Variants in SLC44A5 observed in about 807,000 individuals in gnomAD.
The protein encoded by SLC44A5 is solute carrier family 44 member 5.
SLC44A5 carries 57 observed loss-of-function variants against 101.8 expected under a neutral mutation model. The ratio of observed to expected loss-of-function variants is 0.56; its 90% CI spans 0.45 to 0.70. SLC44A5 has a LOEUF of 0.70. Among genes scored for constraint, SLC44A5 ranks in the 30% least tolerant of loss-of-function variants. The pLI is 0.00. For missense variants in SLC44A5, 737 were observed against 853.1 expected, an observed-to-expected ratio of 0.86 and a Z score of 1.70; for synonymous variants, 281 against 290.9, an observed-to-expected ratio of 0.97 and a Z score of 0.35.
In SLC44A5 at chr1:75,241,988, A is replaced by C. The variant is rs769498697; in HGVS notation, c.532+13T>G. 6 of 1,606,846 alleles carry C rather than the reference A, an allele frequency of 3.7e-6. No homozygotes were observed. The Admixed American group carries it at 1.0e-4, about 27-fold the overall frequency. ...AGATCCTATGTTTCTAAGGTAAAAT[A>C]GTTGCCACTTACAAGGTTTGCTGGG... is the stretch of plus-strand genomic sequence containing the variant. On this transcript the variant is annotated intron_variant, in intron 9 of 23. Transcript: ENST00000370859.
chr1:75,407,840 C>A (rs550857550), intron 2 of SLC44A5, among the ~76,000 whole-genome samples: 65 of 152,270 alleles, frequency 4.3e-4, no homozygotes, highest in African/African-American at 1.4e-3. Flanking sequence ...GCAATGCCAA[C>A]AAAAGCCAAA....
At chr1:75,357,919 A>T (rs1659199936) in intron 3 of SLC44A5, among the ~76,000 whole-genome samples, 1 of 152,110 alleles carries the variant, frequency 6.6e-6, no homozygotes, top group Non-Finnish European at 1.5e-5. Context: ...GAACTTTAGA[A>T]ATGTTAGAAA....
the SLC44A5 span, among the ~76,000 whole-genome samples, chr1:75,699,223 G>A: frequency 6.6e-6 from 1 of 152,028 alleles, no homozygotes; most frequent in Non-Finnish European, 1.5e-5. Flanking sequence ...AAGTTGAAAT[G>A]AAGGAAAAAA....
At chr1:75,523,256 T>C (rs921816015) in intron 2 of SLC44A5, among the ~76,000 whole-genome samples, 1 of 152,162 alleles carries the variant, frequency 6.6e-6, no homozygotes, top group Non-Finnish European at 1.5e-5. Context: ...GATATGACTC[T>C]GGGGACAGAC....
intron 13 of SLC44A5, among the ~76,000 whole-genome samples, chr1:75,226,043 A>G (rs1647187673): frequency 6.6e-6 from 1 of 152,226 alleles, no homozygotes; most frequent in Non-Finnish European, 1.5e-5. Context: ...AGAGATGTGG[A>G]ATCATTTAAA....
chr1:75,464,227 A>AC (rs1197998040), intron 2 of SLC44A5, among the ~76,000 whole-genome samples: 2 of 150,654 alleles, frequency 1.3e-5, no homozygotes, highest in East Asian at 3.9e-4. Context: ...GTCTCAAAAA[A>AC]AAAAAAAAAA....
chr1:75,555,308 A>G (rs1476890973), intron 1 of SLC44A5, among the ~76,000 whole-genome samples: 1 of 152,144 alleles, frequency 6.6e-6, no homozygotes, highest in Non-Finnish European at 1.5e-5. Context: ...TGTAAGAATG[A>G]GCTTTTTAGG....
intron 2 of SLC44A5, among the ~76,000 whole-genome samples, chr1:75,475,470 A>G (rs999882681): frequency 2.0e-5 from 3 of 152,108 alleles, no homozygotes; most frequent in South Asian, 2.1e-4. Context: ...AGAAAGATCT[A>G]TTTTCTTCCG....
chr1:75,270,452 T>C lies in SLC44A5; in HGVS notation c.260+4506A>G, dbSNP rs537861444. 1.2e-3 allele frequency among the ~76,000 whole-genome samples: 186 copies of C among 152,206 alleles called. 4 individuals carry two copies. Among genetic ancestry groups the C allele is most frequent in the African/African-American group, 4.3e-3 (178 of 41,558 alleles). ...AATGGGTATATTATTCAACAAACGA[T>C]TCTGAAATAATTAACTCAACAATTT... On this transcript the variant is annotated intron_variant, in intron 6 of 23. Coordinates refer to ENST00000370859, the MANE Select transcript of SLC44A5 (RefSeq NM_001130058.2).
chr1:75,683,245 C>T, the SLC44A5 span, among the ~76,000 whole-genome samples: 252 of 152,058 alleles, frequency 1.7e-3, 1 homozygote, highest in African/African-American at 5.5e-3. Flanking sequence ...ACCCAGCCAT[C>T]CCATGACTGG....
At chr1:75,588,348 G>T (rs983735616) in intron 1 of SLC44A5, among the ~76,000 whole-genome samples, 3 of 152,036 alleles carry the variant, frequency 2.0e-5, no homozygotes, top group African/African-American at 7.2e-5. Context: ...AGCATTTATT[G>T]AATACCCACT....
At position 75,407,132 on chromosome 1, in the gene SLC44A5, C is replaced by A. The variant is rs540819355; in HGVS notation, c.14-10511G>T. ...CAATTGCTGCTAAGAGAATAAAATACCTAGGAATCCAACTTACAAAGGATG... is the reference window on the plus strand; with the variant it reads ...CAATTGCTGCTAAGAGAATAAAATAACTAGGAATCCAACTTACAAAGGATG... On this transcript the variant is annotated intron_variant, in intron 2 of 23. Coordinates refer to ENST00000370859, the MANE Select transcript of SLC44A5 (RefSeq NM_001130058.2). 1.3e-3 allele frequency among the ~76,000 whole-genome samples: 198 copies of A among 152,076 alleles called. 1 individual carries two copies. Among genetic ancestry groups the A allele is most frequent in the Non-Finnish European group, 4.1e-4 (28 of 67,990 alleles).
At chr1:75,219,389 A>C in intron 15 of SLC44A5, 45 bp from the exon 16 acceptor site, 1 of 1,290,022 alleles carries the variant, frequency 7.8e-7, no homozygotes, top group Non-Finnish European at 1.1e-6. Flanking sequence ...GGTAGATTGA[A>C]AATAAATGGA....
At chr1:75,539,424 G>C (rs951501872) in intron 2 of SLC44A5, among the ~76,000 whole-genome samples, 1 of 151,100 alleles carries the variant, frequency 6.6e-6, no homozygotes, top group South Asian at 2.1e-4. Context: ...TCTATTGATA[G>C]TGGTGGTGCT....
At chr1:75,627,253 AT>A in the SLC44A5 span, among the ~76,000 whole-genome samples, 1 of 152,020 alleles carries the variant, frequency 6.6e-6, no homozygotes, top group Admixed American at 6.6e-5. Flanking sequence ...TTGGGTTGAG[AT>A]TTTGTCTTAG....
At chr1:75,635,142 TAAA>T in the SLC44A5 span, among the ~76,000 whole-genome samples, 1 of 151,438 alleles carries the variant, frequency 6.6e-6, no homozygotes, top group African/African-American at 2.4e-5. Flanking sequence ...TGGCAATCAT[TAAA>T]AAGTCAGGAA....
chr1:75,343,574 T>G (rs1258841984), intron 3 of SLC44A5, among the ~76,000 whole-genome samples: 2 of 152,140 alleles, frequency 1.3e-5, no homozygotes, highest in African/African-American at 2.4e-5. Context: ...TGCAGGAATA[T>G]TCTCCTTCTG....
chr1:75,448,412 A>C (rs980431360), intron 2 of SLC44A5, among the ~76,000 whole-genome samples: 1 of 152,238 alleles, frequency 6.6e-6, no homozygotes, highest in African/African-American at 2.4e-5. Flanking sequence ...GTTCACGATC[A>C]TATGTAACTG....
At chr1:75,519,409 T>A (rs1365180050) in intron 2 of SLC44A5, among the ~76,000 whole-genome samples, 2 of 152,056 alleles carry the variant, frequency 1.3e-5, no homozygotes, top group Non-Finnish European at 2.9e-5. Flanking sequence ...AATGCAAAAA[T>A]TAGCCGGGCA....
Sources: gnomAD v4.1 joint callset for allele counts (sites outside exome capture counted in the v4.1 genomes callset) on GRCh38, gnomAD v4.1.1 for gene constraint, MANE v1.5 for transcripts, NCBI Gene and HGNC (gene_info 2026-07-23, HGNC 2026-07-21) for gene names.